Variants in MAN1C1 observed in about 807,000 individuals in gnomAD.
The protein encoded by MAN1C1 is mannosyl-oligosaccharide 1,2-alpha-mannosidase IC.
MAN1C1 carries 49 observed loss-of-function variants against 71.5 expected under a neutral mutation model. The observed-to-expected ratio is 0.69, with a 90% CI of 0.54 to 0.87. The LOEUF is 0.87. MAN1C1 is among the 40% of genes least tolerant of loss of function. The pLI is 0.00. For missense variants in MAN1C1, 743 were observed against 835.0 expected, an observed-to-expected ratio of 0.89 and a Z score of 1.36; for synonymous variants, 352 against 343.7, an observed-to-expected ratio of 1.02 and a Z score of -0.27.
Position 25,763,853 on chromosome 1 carries a change from C to T in MAN1C1, c.1048-21C>T, listed in dbSNP as rs764195731. Reference sequence around the variant, plus strand: ...CTTCTTCGGAAGCATGAAGGCTCACCTGGTGTCCGTCTCTCGGCAGGTCAG... The same window carrying T: ...CTTCTTCGGAAGCATGAAGGCTCACTTGGTGTCCGTCTCTCGGCAGGTCAG... On this transcript the variant is annotated intron_variant, in intron 6 of 11. Transcript: ENST00000374332. The T allele has an allele frequency of 1.9e-6, 3 of 1,607,906 alleles. No individual in the cohort carries two copies. The East Asian group carries it at 6.7e-5, about 36-fold the overall frequency.
intron 7 of MAN1C1, among the ~76,000 whole-genome samples, chr1:25,768,071 A>T (rs1233266374): frequency 1.2e-4 from 3 of 24,088 alleles, no homozygotes; most frequent in South Asian, 2.2e-3. Flanking sequence ...ACACACACAC[A>T]CACTCCCCCC....
At chr1:25,681,195 C>T (rs1321748769) in intron 1 of MAN1C1, among the ~76,000 whole-genome samples, 1 of 149,672 alleles carries the variant, frequency 6.7e-6, no homozygotes, top group Non-Finnish European at 1.5e-5. Context: ...CATTGCACTC[C>T]AGCCTGGGCA....
intron 7 of MAN1C1, 147 bp from the exon 8 acceptor site, chr1:25,771,510 A>G (rs2047550819): frequency 3.2e-6 from 2 of 633,336 alleles, no homozygotes; most frequent in Non-Finnish European, 5.6e-6. Flanking sequence ...CGCAGTACCC[A>G]TTCCAGGTTC....
At position 25,753,499 on chromosome 1, in the gene MAN1C1, G is replaced by T. The variant is rs570422886; in HGVS notation, c.850G>T (p.Ala284Ser). 33 of 1,613,740 alleles carry T rather than the reference G, an allele frequency of 2.0e-5. 2 individuals are homozygous for T. In the South Asian group the frequency reaches 3.5e-4, roughly 17 times the overall value. The change falls in exon 5 of 12, where the codon GCC (alanine) becomes TCC (serine). Residue 284 changes from alanine (A) to serine (S), a missense_variant. Physicochemically the swap from Ala to Ser is moderately conservative, Grantham distance 99. Transcript: ENST00000374332. The surrounding 1 kb of genome is among the most constrained non-coding windows in gnomAD (Gnocchi z 4.9). Reference protein sequence around the residue: ...LTGEEVFRIKAIRLGEKLLPA... With the variant: ...LTGEEVFRIKSIRLGEKLLPA... ...TCCTTTACAGGTGTTCCGAATAAAG[G>T]CCATCAGGCTGGGAGAGAAGCTCCT...
chr1:25,754,808 G>A (rs1342386467), intron 5 of MAN1C1, among the ~76,000 whole-genome samples: 4 of 152,228 alleles, frequency 2.6e-5, no homozygotes, highest in Non-Finnish European at 4.4e-5. Flanking sequence ...GATCTGACAC[G>A]AATCCTGACA....
At chr1:25,718,055 G>A (rs2046707403) in intron 2 of MAN1C1, among the ~76,000 whole-genome samples, 1 of 151,324 alleles carries the variant, frequency 6.6e-6, no homozygotes, top group Non-Finnish European at 1.5e-5. Context: ...TTCCATTATA[G>A]TTACATCAAA....
chr1:25,740,997 G>A (rs1384410718), intron 2 of MAN1C1, among the ~76,000 whole-genome samples: 3 of 152,016 alleles, frequency 2.0e-5, no homozygotes, highest in Non-Finnish European at 4.4e-5. Context: ...CAAGGGTTGG[G>A]GGCCACAGCT....
intron 2 of MAN1C1, among the ~76,000 whole-genome samples, chr1:25,702,414 T>C (rs1164270247): frequency 2.6e-5 from 4 of 152,218 alleles, no homozygotes; most frequent in Non-Finnish European, 4.4e-5. Context: ...TCCCAGGCTC[T>C]GAGGGTCGGG....
chr1:25,700,820 C>T (rs1485327895), intron 2 of MAN1C1, among the ~76,000 whole-genome samples: 3 of 151,974 alleles, frequency 2.0e-5, no homozygotes, highest in Admixed American at 6.5e-5. Context: ...CCAGGCCAAG[C>T]GTAGGAGGCC....
chr1:25,663,293 A>C (rs891499828), intron 1 of MAN1C1, among the ~76,000 whole-genome samples: 9 of 152,012 alleles, frequency 5.9e-5, no homozygotes, highest in African/African-American at 2.2e-4. Context: ...AGTTCTTAGC[A>C]TATGGGAGCA....
At chr1:25,626,364 CTTT>C (rs1032347283) in intron 1 of MAN1C1, among the ~76,000 whole-genome samples, 1 of 144,718 alleles carries the variant, frequency 6.9e-6, no homozygotes, top group Non-Finnish European at 1.5e-5. Flanking sequence ...TTCTTTCTTT[CTTT>C]TTTTTTTTTG....
At position 25,769,973 on chromosome 1, in the gene MAN1C1, G is replaced by A. The variant is rs1050348908; in HGVS notation, c.1142-1684G>A. On this transcript the variant is annotated intron_variant, in intron 7 of 11. Coordinates refer to ENST00000374332, the MANE Select transcript of MAN1C1 (RefSeq NM_020379.4). The surrounding 1 kb of genome is among the most constrained non-coding windows in gnomAD (Gnocchi z 4.8). ...CCTGAGCCCCCGCGTGGGGAATGAG[G>A]TGGGGAGGGTGCGCCACACCGAGAG... Among the ~76,000 whole-genome samples, 19 of 149,772 alleles carry A rather than the reference G, an allele frequency of 1.3e-4. No homozygotes were observed. Among genetic ancestry groups the A allele is most frequent in the African/African-American group, 4.7e-4 (19 of 40,544 alleles).
chr1:25,733,055 C>T (rs966717387), intron 2 of MAN1C1, among the ~76,000 whole-genome samples: 1 of 152,194 alleles, frequency 6.6e-6, no homozygotes, highest in African/African-American at 2.4e-5. Context: ...GAGGCTCCCC[C>T]AGGAGCTGAG....
Position 25,783,817 on chromosome 1 carries a change from C to T in MAN1C1, c.*28C>T, listed in dbSNP as rs369051902. The T allele has an allele frequency of 2.7e-4, 428 of 1,602,748 alleles. No homozygotes were observed. Among genetic ancestry groups the T allele is most frequent in the Non-Finnish European group, 3.3e-4 (392 of 1,177,742 alleles). On this transcript the variant is annotated 3_prime_UTR_variant, in exon 12 of 12. Coordinates refer to ENST00000374332, the MANE Select transcript of MAN1C1 (RefSeq NM_020379.4). ...CCATCTCCTGCCGCCGCCCTGGGGC[C>T]GCCGCAGGGATGCCTTGCCTTTTCA...
rs996831835 is a variant in MAN1C1 at position 25,769,179 on chromosome 1, TAC to T, written c.1142-2471_1142-2470del. On this transcript the variant is annotated intron_variant, in intron 7 of 11. Transcript: ENST00000374332. The surrounding 1 kb of genome is among the most constrained non-coding windows in gnomAD (Gnocchi z 4.8). ...CATTCCACACACACACCCCACACAT[TAC>T]ACACACTCGCCTCATGCACACACCC... Among the ~76,000 whole-genome samples the T allele has an allele frequency of 1.5e-5, 2 of 135,606 alleles. No individual in the cohort carries two copies. Among genetic ancestry groups the T allele is most frequent in the African/African-American group, 5.7e-5 (2 of 35,074 alleles). 89.0% of individuals were successfully genotyped at this position (135,606 alleles called of 152,430 possible). A position where few individuals can be genotyped will look rare whatever the true frequency, so the allele number is the denominator to read the frequency against.
rs567198132 is a variant in MAN1C1 at position 25,769,567 on chromosome 1, C to G, written c.1142-2090C>G. On this transcript the variant is annotated intron_variant, in intron 7 of 11. Coordinates refer to ENST00000374332, the MANE Select transcript of MAN1C1 (RefSeq NM_020379.4). The surrounding 1 kb of genome is among the most constrained non-coding windows in gnomAD (Gnocchi z 4.8). ...CCTTGTCACGCACACACTCCACCAC[C>G]GCGTGATTGTGGCTAAACTCCTTGG... Among the ~76,000 whole-genome samples, 28 of 152,294 alleles carry G rather than the reference C, an allele frequency of 1.8e-4. No individual in the cohort carries two copies. Among genetic ancestry groups the G allele is most frequent in the Non-Finnish European group, 1.8e-4 (12 of 68,018 alleles).
Position 25,631,973 on chromosome 1 carries a change from G to A in MAN1C1, c.540+13636G>A, listed in dbSNP as rs1018938969. 6.6e-6 allele frequency among the ~76,000 whole-genome samples: 1 copy of A among 152,148 alleles called. No homozygotes were observed. The highest frequency in any genetic ancestry group is 1.5e-5 in the Non-Finnish European group (1 of 68,028). On this transcript the variant is annotated intron_variant, in intron 1 of 11. Coordinates refer to ENST00000374332, the MANE Select transcript of MAN1C1 (RefSeq NM_020379.4). The surrounding 1 kb of genome is among the most constrained non-coding windows in gnomAD (Gnocchi z 4.2). ...TTTTTGTAGGATGGGGTTTCACCAT[G>A]TTGGCTAGGCTGGTCTTGAATCCTG...
chr1:25,756,327 A>G (rs920995510), intron 5 of MAN1C1, among the ~76,000 whole-genome samples: 2 of 152,146 alleles, frequency 1.3e-5, no homozygotes, highest in Admixed American at 6.5e-5. Flanking sequence ...TGGGCAGGAG[A>G]GGAAAGGCGC....
At chr1:25,693,996 A>G (rs1239277842) in intron 2 of MAN1C1, among the ~76,000 whole-genome samples, 1 of 152,254 alleles carries the variant, frequency 6.6e-6, no homozygotes, top group Non-Finnish European at 1.5e-5. Flanking sequence ...ATGTTTGTAA[A>G]AAGTAATAAT....
Sources: allele counts gnomAD v4.1 joint callset (sites outside exome capture counted in the v4.1 genomes callset), GRCh38; gene constraint gnomAD v4.1.1; non-coding constraint Gnocchi (gnomAD v3.1); transcripts MANE v1.5; gene names NCBI Gene and HGNC (gene_info 2026-07-23, HGNC 2026-07-21).